TMEM135: variants seen among roughly 807,000 people sequenced by gnomAD.
The protein encoded by TMEM135 is peroxisomal membrane protein 52.
In TMEM135, 30 loss-of-function variants were observed where a neutral mutation model predicts 60.3. That is an observed-to-expected ratio of 0.50 (90% confidence interval 0.37 to 0.68). The LOEUF is 0.68. Among genes scored for constraint, TMEM135 ranks in the 30% least tolerant of loss-of-function variants. The pLI is 0.00. For missense variants in TMEM135, 468 were observed against 548.8 expected (o/e 0.85, Z 1.47); for synonymous variants, 190 against 186.7 (o/e 1.02, Z -0.14).
At chr11:87,268,514 T>A (rs1267961190) in intron 6 of TMEM135, among the ~76,000 whole-genome samples, 2 of 152,180 alleles carry the variant, frequency 1.3e-5, no homozygotes, top group African/African-American at 4.8e-5. Context: ...ATGACTTAAA[T>A]TTCTAACAAA....
chr11:87,255,221 G>C (rs567185812), intron 6 of TMEM135, among the ~76,000 whole-genome samples: 20 of 152,262 alleles, frequency 1.3e-4, no homozygotes, highest in African/African-American at 4.8e-4. Flanking sequence ...GTAGGGGTCG[G>C]AAGAAGAGGG....
At chr11:87,318,096 G>C (rs763384249) in intron 12 of TMEM135, 41 bp from the exon 13 acceptor site, 2 of 1,506,978 alleles carry the variant, frequency 1.3e-6, no homozygotes, top group Non-Finnish European at 1.8e-6. Flanking sequence ...TTAATGCTGA[G>C]GTTTTTTCTT....
chr11:87,250,992 A>C (rs1410656534), intron 6 of TMEM135, among the ~76,000 whole-genome samples: 1 of 152,154 alleles, frequency 6.6e-6, no homozygotes, highest in African/African-American at 2.4e-5. Context: ...TTTATCTGAG[A>C]TATGAGGATT....
At chr11:87,282,518 G>A (rs1464599718) in intron 6 of TMEM135, among the ~76,000 whole-genome samples, 2 of 152,114 alleles carry the variant, frequency 1.3e-5, no homozygotes, top group African/African-American at 4.8e-5. Flanking sequence ...CACTCGCCTC[G>A]ACCTCCCAAA....
At chr11:87,249,497 A>G (rs749469622) in intron 6 of TMEM135, among the ~76,000 whole-genome samples, 1 of 151,854 alleles carries the variant, frequency 6.6e-6, no homozygotes, top group Admixed American at 6.6e-5. Flanking sequence ...TCTTCTGCTA[A>G]TTTTGGGCTT....
chr11:87,212,859 T>C (rs1940407747), intron 5 of TMEM135, among the ~76,000 whole-genome samples: 1 of 151,426 alleles, frequency 6.6e-6, no homozygotes, highest in Admixed American at 6.6e-5. Context: ...AAATATTGTC[T>C]AAGAATGGGC....
At chr11:87,229,845 G>A (rs773865171) in intron 5 of TMEM135, among the ~76,000 whole-genome samples, 34 of 151,928 alleles carry the variant, frequency 2.2e-4, no homozygotes, top group Non-Finnish European at 4.4e-4. Context: ...GTCTTAGAAG[G>A]GAACTTTCTT....
At chr11:87,213,336 C>T (rs544787696) in intron 5 of TMEM135, among the ~76,000 whole-genome samples, 2 of 152,110 alleles carry the variant, frequency 1.3e-5, no homozygotes, top group Non-Finnish European at 2.9e-5. Context: ...ATTACTACTG[C>T]AACTATACGA....
chr11:87,237,098 A>G (rs552240593), intron 6 of TMEM135, among the ~76,000 whole-genome samples: 1 of 152,122 alleles, frequency 6.6e-6, no homozygotes, highest in African/African-American at 2.4e-5. Flanking sequence ...AGCCTTCTGC[A>G]AGGATAACCT....
intron 4 of TMEM135, among the ~76,000 whole-genome samples, chr11:87,144,523 G>A (rs976990026): frequency 2.6e-5 from 4 of 152,196 alleles, no homozygotes; most frequent in African/African-American, 7.2e-5. Context: ...AGGAAAGAAA[G>A]TCATTCCCTT....
chr11:87,192,614 T>C (rs1019628005), intron 5 of TMEM135, among the ~76,000 whole-genome samples: 7 of 152,238 alleles, frequency 4.6e-5, no homozygotes, highest in African/African-American at 1.4e-4. Flanking sequence ...ATGTGTGTGC[T>C]ACTTGAAGAT....
intron 5 of TMEM135, among the ~76,000 whole-genome samples, chr11:87,178,140 C>A (rs1345000041): frequency 6.6e-6 from 1 of 151,916 alleles, no homozygotes; most frequent in East Asian, 1.9e-4. Flanking sequence ...AGCTCCCCTC[C>A]TGTCCTTGGA....
At chr11:87,120,472 C>CTTT (rs541561365) in intron 4 of TMEM135, among the ~76,000 whole-genome samples, 2 of 104,250 alleles carry the variant, frequency 1.9e-5, no homozygotes, top group African/African-American at 3.7e-5. Context: ...GATGAAATTT[C>CTTT]TTTTTTTTTT....
chr11:87,191,304 G>A (rs113739749), intron 5 of TMEM135, among the ~76,000 whole-genome samples: 13,026 of 151,388 alleles, frequency 0.086, 617 homozygotes, highest in African/African-American at 0.11. Context: ...GCAGTGGCAC[G>A]ATCTCGGCTC....
intron 4 of TMEM135, among the ~76,000 whole-genome samples, chr11:87,109,772 G>GTTAAAGTAAAT (rs1857695726): frequency 6.6e-6 from 1 of 151,294 alleles, no homozygotes; most frequent in Admixed American, 6.6e-5. Context: ...CCTGCAGTAT[G>GTTAAAGTAAAT]TTAAAGTAAA....
intron 4 of TMEM135, among the ~76,000 whole-genome samples, chr11:87,138,785 G>A (rs1345015601): frequency 6.6e-6 from 1 of 152,240 alleles, no homozygotes; most frequent in Non-Finnish European, 1.5e-5. Context: ...TCATCTGCAA[G>A]TAAAGGTGAG....
At chr11:87,250,116 G>A (rs1294996786) in intron 6 of TMEM135, among the ~76,000 whole-genome samples, 6 of 152,050 alleles carry the variant, frequency 3.9e-5, no homozygotes, top group Admixed American at 2.0e-4. Context: ...TCTCTTAGGA[G>A]CATTTGCATT....
chr11:87,146,226 T>G (rs1027678926), intron 4 of TMEM135, among the ~76,000 whole-genome samples: 1 of 152,170 alleles, frequency 6.6e-6, no homozygotes, highest in Non-Finnish European at 1.5e-5. Context: ...TTGTCAAAAA[T>G]CAGTGGAAGC....
chr11:87,114,536 A>G (rs1399707618), intron 4 of TMEM135, among the ~76,000 whole-genome samples: 1 of 152,210 alleles, frequency 6.6e-6, no homozygotes, highest in Non-Finnish European at 1.5e-5. Context: ...TGACCTTGAC[A>G]TTTGGAACAT....
Sources: allele counts gnomAD v4.1 joint callset (sites outside exome capture counted in the v4.1 genomes callset), GRCh38; gene constraint gnomAD v4.1.1; transcripts MANE v1.5; gene names NCBI Gene and HGNC (gene_info 2026-07-23, HGNC 2026-07-21).